Variants in USP48 observed in about 807,000 individuals in gnomAD.
The protein encoded by USP48 is ubiquitin specific peptidase 48.
A neutral mutation model predicts 150.7 loss-of-function variants in USP48; 43 were observed. That is an observed-to-expected ratio of 0.29 (90% CI 0.22 to 0.37). USP48 has a LOEUF of 0.37. Among genes scored for constraint, USP48 ranks in the 10% least tolerant of loss-of-function variants. USP48 has a pLI of 1.00. For missense variants in USP48, 813 were observed against 1,249.6 expected (o/e 0.65, Z 5.27); for synonymous variants, 396 against 425.9 (o/e 0.93, Z 0.86).
chr1:21,765,479 T>C (rs574689089), intron 1 of USP48, among the ~76,000 whole-genome samples: 1 of 152,082 alleles, frequency 6.6e-6, no homozygotes, highest in East Asian at 1.9e-4. Flanking sequence ...GTGCCAGGCA[T>C]GGTGGCACGC....
chr1:21,751,689 G>A, intron 5 of USP48, 74 bp from the exon 6 acceptor site: 6 of 1,100,332 alleles, frequency 5.5e-6, no homozygotes, highest in Admixed American at 4.2e-5. Context: ...TTACATCCTA[G>A]AAAGATGGAA....
At chr1:21,733,129 C>G (rs2097760881) in intron 9 of USP48, among the ~76,000 whole-genome samples, 1 of 151,998 alleles carries the variant, frequency 6.6e-6, no homozygotes, top group Non-Finnish European at 1.5e-5. Flanking sequence ...ATTAAGAGTA[C>G]CCAAGGCTGG....
At chr1:21,728,133 C>T (rs1398801162) in intron 11 of USP48, 1 of 986,526 alleles carries the variant, frequency 1.0e-6, no homozygotes, top group Non-Finnish European at 1.2e-6. Flanking sequence ...TGGTATTAAA[C>T]TTCAAGTTAA....
intron 1 of USP48, among the ~76,000 whole-genome samples, chr1:21,764,094 T>C (rs1203667066): frequency 6.6e-6 from 1 of 152,138 alleles, no homozygotes; most frequent in African/African-American, 2.4e-5. Flanking sequence ...TATGTGTACC[T>C]GTGTCTATCA....
At chr1:21,754,282 A>G (rs333204) in intron 3 of USP48, among the ~76,000 whole-genome samples, 10,921 of 152,280 alleles carry the variant, frequency 0.072, 470 homozygotes, top group Middle Eastern at 0.11. Context: ...CAACAACAGC[A>G]ATCATGACTA....
chr1:21,733,721 G>A (rs936078838), intron 9 of USP48, among the ~76,000 whole-genome samples: 1 of 151,478 alleles, frequency 6.6e-6, no homozygotes, highest in South Asian at 2.1e-4. Flanking sequence ...AATGTAGATA[G>A]ATTTTAAAAA....
At chr1:21,765,962 G>C (rs1490280967) in intron 1 of USP48, among the ~76,000 whole-genome samples, 2 of 147,706 alleles carry the variant, frequency 1.4e-5, no homozygotes, top group Admixed American at 1.3e-4. Context: ...AATAGGAATG[G>C]AGGAAGTTCA....
intron 9 of USP48, among the ~76,000 whole-genome samples, chr1:21,730,079 A>G (rs960440051): frequency 7.2e-5 from 11 of 152,208 alleles, no homozygotes; most frequent in African/African-American, 2.7e-4. Flanking sequence ...TCTGGGGAAC[A>G]AACCTAGAAC....
At chr1:21,724,496 T>C in intron 11 of USP48, 1 of 280,574 alleles carries the variant, frequency 3.6e-6, no homozygotes, top group East Asian at 6.3e-5. Flanking sequence ...GTTTATTTCA[T>C]AAATTATTTT....
chr1:21,781,985 C>T (rs1013820089), intron 1 of USP48: 1 of 152,184 alleles, frequency 6.6e-6, no homozygotes, highest in Non-Finnish European at 1.5e-5. Context: ...AGCCAGAGAC[C>T]ATGACTTCCA....
At chr1:21,779,853 A>C (rs969580850) in intron 1 of USP48, among the ~76,000 whole-genome samples, 5 of 152,188 alleles carry the variant, frequency 3.3e-5, no homozygotes, top group Non-Finnish European at 7.3e-5. Flanking sequence ...AATGCAAATC[A>C]AAACTACAAA....
At chr1:21,724,875 CA>C (rs2097732127) in intron 11 of USP48, 1 of 151,988 alleles carries the variant, frequency 6.6e-6, no homozygotes. Flanking sequence ...CCCTAAAAGC[CA>C]AAATCAAAGA....
chr1:21,711,095 T>C lies in USP48; in HGVS notation c.1964-4227A>G, dbSNP rs574859179. Reference sequence around the variant, plus strand: ...ACCACCACACCAAAGGAATTATTTATATATATATATAAAAGACATACAGTT... The same window carrying C: ...ACCACCACACCAAAGGAATTATTTACATATATATATAAAAGACATACAGTT... On this transcript the variant is annotated intron_variant, in intron 15 of 26. Transcript: ENST00000308271. Among the ~76,000 whole-genome samples, 6 of 151,838 alleles carry C rather than the reference T, an allele frequency of 4.0e-5. No homozygotes were observed. The South Asian group carries it at 8.3e-4, about 21-fold the overall frequency.
chr1:21,703,754 C>T lies in USP48; in HGVS notation c.2516-136G>A, dbSNP rs2097664256. The T allele has an allele frequency of 5.6e-6, 4 of 720,378 alleles. No individual in the cohort carries two copies. In the South Asian group the frequency reaches 7.3e-5, roughly 13 times the overall value. 44.6% of individuals were successfully genotyped at this position (720,378 alleles called of 1,614,324 possible). A position where few individuals can be genotyped will look rare whatever the true frequency, so the allele number is the denominator to read the frequency against. ...TTAGTAACATTTTCTTTTTTTGAGA[C>T]AAGGTTTTGCTGTGTCACCCAGGCT... On this transcript the variant is annotated intron_variant, in intron 20 of 26. Coordinates refer to ENST00000308271, the MANE Select transcript of USP48 (RefSeq NM_032236.8).
rs1467693401 is a variant in USP48, at chr1:21,782,898, G to A, written c.60C>T (p.Pro20=). The change falls in exon 1 of 27, where the codon CCC becomes CCT. Residue 20 remains proline (P), a synonymous_variant. Coordinates refer to ENST00000308271, the MANE Select transcript of USP48 (RefSeq NM_032236.8). The part of the protein sequence containing the change: ...AAWRWAETVR[P]EEVSQEHIET... ...CGATGTGCTCCTGCGACACCTCCTC[G>A]GGCCGCACCGTCTCCGCCCAGCGCC... 7 of 1,553,560 alleles carry A rather than the reference G, an allele frequency of 4.5e-6. No individual in the cohort carries two copies. The highest frequency in any genetic ancestry group is 6.1e-6 in the Non-Finnish European group (7 of 1,150,202).
At chr1:21,729,452 C>T (rs183397606) in intron 10 of USP48, among the ~76,000 whole-genome samples, 374 of 152,100 alleles carry the variant, frequency 2.5e-3, no homozygotes, top group African/African-American at 7.8e-3. Context: ...CTCTATAAAC[C>T]GAACAAAATA....
At chr1:21,721,938 A>G (rs2097721950) in intron 12 of USP48, among the ~76,000 whole-genome samples, 174 bp from the exon 13 acceptor site, 1 of 152,204 alleles carries the variant, frequency 6.6e-6, no homozygotes, top group South Asian at 2.1e-4. Context: ...ATTAGAAACC[A>G]AGACGGCAAT....
chr1:21,765,015 C>T (rs2152626780), intron 1 of USP48, among the ~76,000 whole-genome samples: 1 of 152,304 alleles, frequency 6.6e-6, no homozygotes, highest in East Asian at 1.9e-4. Flanking sequence ...ATCAAAATAT[C>T]ATATAACCCT....
chr1:21,783,049 G>A lies in USP48; in HGVS notation c.-92C>T, dbSNP rs1314325923. ...CCCCAATGGGCTTCGCCACCTGCCA[G>A]CAAGGAGGACCTGGCGCTCCTTCAG... On this transcript the variant is annotated 5_prime_UTR_variant, in exon 1 of 27. Coordinates refer to ENST00000308271, the MANE Select transcript of USP48 (RefSeq NM_032236.8). 7.1e-6 allele frequency: 10 copies of A among 1,399,804 alleles called. No individual in the cohort carries two copies. The highest frequency in any genetic ancestry group is 3.4e-5 in the Admixed American group (1 of 29,706). 86.7% of individuals were successfully genotyped at this position (1,399,804 alleles called of 1,614,324 possible). A position where few individuals can be genotyped will look rare whatever the true frequency, so the allele number is the denominator to read the frequency against.
Sources: allele counts gnomAD v4.1 joint callset (sites outside exome capture counted in the v4.1 genomes callset), GRCh38; gene constraint gnomAD v4.1.1; transcripts MANE v1.5; gene names NCBI Gene and HGNC (gene_info 2026-07-23, HGNC 2026-07-21).